The following FANCB variants were observed in gnomAD, a reference collection of about 807,000 sequenced individuals.
FANCB encodes Fanconi anemia group B protein.
Under a neutral mutation model 38.9 loss-of-function variants are expected in FANCB, and 5 were observed. The observed-to-expected ratio is 0.13, with a 90% CI of 0.07 to 0.27. FANCB has a LOEUF of 0.27. FANCB is among the 10% of genes least tolerant of loss of function. FANCB has a pLI of 1.00. For synonymous variants in FANCB, 236 were observed against 215.4 expected, an observed-to-expected ratio of 1.10 and a Z score of -0.84; for missense variants, 573 against 602.7, an observed-to-expected ratio of 0.95 and a Z score of 0.52.
chrX:14,863,570 C>T (rs1432870787), intron 3 of FANCB, among the ~76,000 whole-genome samples: 1 of 112,089 alleles, frequency 8.9e-6, no homozygotes, highest in Non-Finnish European at 1.9e-5. Context: ...GTTTTCTGTG[C>T]CTTTTTACCT....
the FANCB span, among the ~76,000 whole-genome samples, chrX:14,776,983 TGG>T: frequency 8.9e-6 from 1 of 111,764 alleles, no homozygotes; most frequent in East Asian, 2.8e-4. Context: ...AGAGGATTAC[TGG>T]GTACTCATGT....
the FANCB span, among the ~76,000 whole-genome samples, chrX:14,796,701 C>T: frequency 9.9e-6 from 1 of 101,419 alleles, no homozygotes; most frequent in Non-Finnish European, 2.0e-5. Flanking sequence ...TATACACACA[C>T]ACACACACAC....
chrX:14,752,956 G>A, the FANCB span, among the ~76,000 whole-genome samples: 2 of 72,649 alleles, frequency 2.8e-5, no homozygotes, highest in Non-Finnish European at 5.5e-5. Flanking sequence ...CTCTGTCTCT[G>A]GCTCTCTCTC....
chrX:14,824,736 G>C, the FANCB span, among the ~76,000 whole-genome samples: 1 of 111,863 alleles, frequency 8.9e-6, no homozygotes, highest in African/African-American at 3.2e-5. Flanking sequence ...AAATCTATTT[G>C]CTGTCCTAAA....
the FANCB span, among the ~76,000 whole-genome samples, chrX:14,787,908 T>TC: frequency 3.7e-5 from 3 of 80,868 alleles, no homozygotes. Flanking sequence ...TATATATATA[T>TC]ATATATATAT....
rs762107504 is a variant in FANCB at position 14,848,400 on chromosome X, A to ACACAC, written c.1496+2104_1496+2105insGTGTG. On this transcript the variant is annotated intron_variant, in intron 7 of 9. Transcript: ENST00000650831. ...AATGCGACCCTTGTAGAGAGCCTAT[A>ACACAC]AATGGACGCACAGGGGGCGCCTGTC... is the stretch of plus-strand genomic sequence containing the variant. Among the ~76,000 whole-genome samples, 880 of 111,616 alleles carry ACACAC rather than the reference A, an allele frequency of 7.9e-3. 8 individuals are homozygous for ACACAC. Among genetic ancestry groups the ACACAC allele is most frequent in the African/African-American group, 0.026 (808 of 30,703 alleles).
chrX:14,773,540 G>A, the FANCB span, among the ~76,000 whole-genome samples: 8 of 111,742 alleles, frequency 7.2e-5, no homozygotes, highest in Non-Finnish European at 1.3e-4. Flanking sequence ...AGAAATACAG[G>A]TACAGAGCCC....
chrX:14,826,182 A>C, the FANCB span, among the ~76,000 whole-genome samples: 1 of 111,920 alleles, frequency 8.9e-6, no homozygotes, highest in Non-Finnish European at 1.9e-5. Context: ...AGAACTATGA[A>C]AATATTCCAA....
At chrX:14,862,308 T>A (rs1241129348) in intron 3 of FANCB, 1 of 111,443 alleles carries the variant, frequency 9.0e-6, no homozygotes, top group East Asian at 2.8e-4. Context: ...GAGAGCAGGT[T>A]AGAAGTACAG....
chrX:14,773,999 G>A, the FANCB span, among the ~76,000 whole-genome samples: 37 of 111,834 alleles, frequency 3.3e-4, no homozygotes, highest in Non-Finnish European at 5.6e-4. Flanking sequence ...ATTAGACTGA[G>A]AAAGGAGCAA....
At chrX:14,790,240 A>C in the FANCB span, among the ~76,000 whole-genome samples, 3 of 112,239 alleles carry the variant, frequency 2.7e-5, no homozygotes, top group Non-Finnish European at 5.6e-5. Flanking sequence ...TGTCCTTAAG[A>C]AATTTATATT....
chrX:14,787,485 T>C, the FANCB span, among the ~76,000 whole-genome samples: 34 of 110,738 alleles, frequency 3.1e-4, no homozygotes, highest in South Asian at 0.013. Context: ...TTGCAAAATA[T>C]GATGACCAGA....
the FANCB span, among the ~76,000 whole-genome samples, chrX:14,756,141 A>G: frequency 8.9e-6 from 1 of 112,280 alleles, no homozygotes; most frequent in Non-Finnish European, 1.9e-5. Context: ...AAATGAAACT[A>G]GACCCTTACC....
At chrX:14,770,452 T>C in the FANCB span, among the ~76,000 whole-genome samples, 1 of 111,935 alleles carries the variant, frequency 8.9e-6, no homozygotes, top group African/African-American at 3.3e-5. Context: ...AAACTAGGAC[T>C]GCAACCCCTG....
the FANCB span, among the ~76,000 whole-genome samples, chrX:14,750,888 A>T: frequency 1.1e-5 from 1 of 87,117 alleles, no homozygotes; most frequent in Non-Finnish European, 2.2e-5. Context: ...GACATTATTT[A>T]AAAAAAAAAA....
downstream of FANCB, among the ~76,000 whole-genome samples, chrX:14,833,735 G>A (rs1408053115): frequency 9.1e-6 from 1 of 109,804 alleles, no homozygotes; most frequent in Non-Finnish European, 1.9e-5. Flanking sequence ...CAAAGTGGGC[G>A]CATCGCCTGA....
chrX:14,862,720 C>G (rs1264141014), intron 3 of FANCB, among the ~76,000 whole-genome samples: 1 of 111,897 alleles, frequency 8.9e-6, no homozygotes, highest in Non-Finnish European at 1.9e-5. Flanking sequence ...GTGCAAGACA[C>G]TTTACAATGT....
At chrX:14,730,594 GAGGGA>G in the FANCB span, 1 of 108,954 alleles carries the variant, frequency 9.2e-6, no homozygotes, top group Non-Finnish European at 1.8e-5. Flanking sequence ...AGGGAGGGGG[GAGGGA>G]GGGTCATGGG....
At chrX:14,778,032 A>C in the FANCB span, among the ~76,000 whole-genome samples, 7 of 112,045 alleles carry the variant, frequency 6.2e-5, no homozygotes, top group Non-Finnish European at 1.1e-4. Flanking sequence ...AGAACAAAAC[A>C]ATAGCCAATA....
Sources: gnomAD v4.1 joint callset for allele counts (sites outside exome capture counted in the v4.1 genomes callset) on GRCh38, gnomAD v4.1.1 for gene constraint, MANE v1.5 for transcripts, NCBI Gene and HGNC (gene_info 2026-07-23, HGNC 2026-07-21) for gene names.